The following SGCD variants were observed in gnomAD, a reference collection of about 807,000 sequenced individuals.
SGCD encodes the protein delta-sarcoglycan.
SGCD carries 18 observed loss-of-function variants against 36.6 expected under a neutral mutation model. The ratio of observed to expected loss-of-function variants is 0.49; its 90% CI spans 0.34 to 0.73. The LOEUF is 0.73. SGCD is among the 30% of genes least tolerant of loss of function. The pLI, the probability that SGCD is intolerant of heterozygous loss-of-function variation, is 0.01. For missense variants in SGCD, 387 were observed against 346.7 expected, an observed-to-expected ratio of 1.12 and a Z score of -0.92; for synonymous variants, 133 against 130.6, an observed-to-expected ratio of 1.02 and a Z score of -0.12.
chr5:156,748,469 G>A (rs1015296002), intron 7 of SGCD, among the ~76,000 whole-genome samples: 4 of 151,828 alleles, frequency 2.6e-5, no homozygotes, highest in African/African-American at 9.7e-5. Context: ...ATGTGTCCAA[G>A]GCAAATAACA....
intron 3 of SGCD, among the ~76,000 whole-genome samples, chr5:156,491,001 G>A (rs542430150): frequency 2.0e-4 from 30 of 152,094 alleles, no homozygotes; most frequent in African/African-American, 6.7e-4. Context: ...AACGAATTCA[G>A]TAAAATTTTT....
At chr5:156,484,756 G>A (rs753067097) in intron 3 of SGCD, among the ~76,000 whole-genome samples, 2 of 152,136 alleles carry the variant, frequency 1.3e-5, no homozygotes, top group African/African-American at 2.4e-5. Flanking sequence ...CTGAAATGAT[G>A]AAAGATGATT....
chr5:155,787,046 C>G, the SGCD span, among the ~76,000 whole-genome samples: 1 of 152,134 alleles, frequency 6.6e-6, no homozygotes, highest in Non-Finnish European at 1.5e-5. Flanking sequence ...ATTAAAAGCC[C>G]GGTAATGGCT....
chr5:156,613,536 C>A (rs1383098796), intron 6 of SGCD, among the ~76,000 whole-genome samples: 1 of 152,204 alleles, frequency 6.6e-6, no homozygotes, highest in South Asian at 2.1e-4. Flanking sequence ...GCCAGGTTGA[C>A]TTTCCACTAT....
chr5:156,634,870 A>G (rs1330135768), intron 6 of SGCD, among the ~76,000 whole-genome samples: 2 of 152,136 alleles, frequency 1.3e-5, no homozygotes, highest in Non-Finnish European at 2.9e-5. Flanking sequence ...TGTTTTAAAA[A>G]ATTACTAAGC....
intron 4 of SGCD, among the ~76,000 whole-genome samples, chr5:156,557,557 T>C (rs200620465): frequency 6.6e-6 from 1 of 152,316 alleles, no homozygotes; most frequent in East Asian, 1.9e-4. Context: ...CATTCATTTA[T>C]GTATTGTCTG....
intron 3 of SGCD, among the ~76,000 whole-genome samples, chr5:156,219,959 A>G (rs959341424): frequency 2.0e-5 from 3 of 152,184 alleles, no homozygotes; most frequent in African/African-American, 7.2e-5. Context: ...TTTGCATTTA[A>G]GTTCTCAGGT....
chr5:156,635,795 A>G (rs931938780), intron 6 of SGCD, among the ~76,000 whole-genome samples: 1 of 151,842 alleles, frequency 6.6e-6, no homozygotes, highest in Non-Finnish European at 1.5e-5. Context: ...ACAAAAAACC[A>G]AAGACCACAT....
At chr5:156,385,355 G>T (rs1580907901) in intron 3 of SGCD, among the ~76,000 whole-genome samples, 1 of 152,164 alleles carries the variant, frequency 6.6e-6, no homozygotes, top group Admixed American at 6.5e-5. Context: ...TTTGAAACAG[G>T]GTTCCCTGCA....
intron 3 of SGCD, among the ~76,000 whole-genome samples, chr5:156,444,123 C>CT (rs1554103823): frequency 2.3e-5 from 1 of 42,956 alleles, no homozygotes; most frequent in Non-Finnish European, 3.9e-5. Flanking sequence ...TCTCCCCTTC[C>CT]CTCTCTCTCT....
At chr5:155,734,550 C>T in the SGCD span, among the ~76,000 whole-genome samples, 1 of 152,144 alleles carries the variant, frequency 6.6e-6, no homozygotes, top group Non-Finnish European at 1.5e-5. Context: ...ATCCAGATCT[C>T]TCCTTTTTAA....
chr5:156,520,487 A>C (rs1379573024), intron 4 of SGCD, among the ~76,000 whole-genome samples: 1 of 152,204 alleles, frequency 6.6e-6, no homozygotes, highest in Non-Finnish European at 1.5e-5. Flanking sequence ...ACTACCTTTG[A>C]TGTTACTCAC....
the SGCD span, among the ~76,000 whole-genome samples, chr5:155,843,782 T>A: frequency 6.6e-6 from 1 of 152,184 alleles, no homozygotes; most frequent in Non-Finnish European, 1.5e-5. Flanking sequence ...TGATGAAGCC[T>A]CAAGGCTGGG....
chr5:156,534,335 G>A (rs1474191745), intron 4 of SGCD, among the ~76,000 whole-genome samples: 1 of 152,118 alleles, frequency 6.6e-6, no homozygotes, highest in African/African-American at 2.4e-5. Flanking sequence ...TCTACGGCTT[G>A]CCCTAGCCAA....
chr5:156,315,630 C>T (rs1767498552), intron 3 of SGCD, among the ~76,000 whole-genome samples: 1 of 151,582 alleles, frequency 6.6e-6, no homozygotes, highest in African/African-American at 2.4e-5. Context: ...TTAGGAATTC[C>T]CATGCTGTTT....
chr5:156,494,044 T>C lies in SGCD; in HGVS notation c.193-14557T>C, dbSNP rs549079828. Among the ~76,000 whole-genome samples the C allele has an allele frequency of 1.5e-4, 23 of 152,200 alleles. No homozygotes were observed. The South Asian group carries it at 2.3e-3, about 15-fold the overall frequency. On this transcript the variant is annotated intron_variant, in intron 3 of 8. Transcript: ENST00000337851. ...CTAAATTGGCATGGCGGGGTGTCAC[T>C]GCCATAGGAAATCAGAGAAGGTAGT...
At chr5:156,295,172 A>G (rs1245213480) in intron 3 of SGCD, among the ~76,000 whole-genome samples, 1 of 151,762 alleles carries the variant, frequency 6.6e-6, no homozygotes, top group Non-Finnish European at 1.5e-5. Flanking sequence ...GTCTATTCAG[A>G]TTTTCTATTT....
chr5:156,283,183 G>C (rs1043233608), intron 3 of SGCD, among the ~76,000 whole-genome samples: 4 of 152,128 alleles, frequency 2.6e-5, no homozygotes, highest in Admixed American at 1.3e-4. Context: ...GGATGGGCAG[G>C]GTTTCTCCAT....
Position 156,759,494 on chromosome 5 carries a change from C to G in SGCD, c.*104C>G. On this transcript the variant is annotated 3_prime_UTR_variant, in exon 9 of 9. Coordinates refer to ENST00000337851, the MANE Select transcript of SGCD (RefSeq NM_000337.6). ...TAGAACACAGAAAGCCTATCAAAGA[C>G]CTTGTGTGTATGTGTACGTGTGTGT... is the stretch of plus-strand genomic sequence containing the variant. 1.3e-6 allele frequency: 1 copy of G among 784,848 alleles called. No individual in the cohort carries two copies. The highest frequency in any genetic ancestry group is 1.8e-5 in the South Asian group (1 of 54,956). 48.6% of individuals were successfully genotyped at this position (784,848 alleles called of 1,614,324 possible).
Sources: gnomAD v4.1 joint callset for allele counts (sites outside exome capture counted in the v4.1 genomes callset) on GRCh38, gnomAD v4.1.1 for gene constraint, MANE v1.5 for transcripts, NCBI Gene and HGNC (gene_info 2026-07-23, HGNC 2026-07-21) for gene names.